GRIK4: variants seen among roughly 807,000 people sequenced by gnomAD.
GRIK4 encodes glutamate receptor ionotropic, kainate 4.
A neutral mutation model predicts 104.9 loss-of-function variants in GRIK4; 40 were observed. The ratio of observed to expected loss-of-function variants is 0.38; its 90% confidence interval spans 0.30 to 0.50. The LOEUF is 0.50. Ranked by LOEUF, GRIK4 falls within the 20% of genes least tolerant of loss-of-function variation. GRIK4 has a pLI of 0.93. For synonymous variants in GRIK4, 485 were observed against 524.9 expected (o/e 0.92, Z 1.04); for missense variants, 1,047 against 1,308.1 (o/e 0.80, Z 3.08).
intron 1 of GRIK4, among the ~76,000 whole-genome samples, chr11:120,598,794 G>A (rs976236682): frequency 2.6e-5 from 4 of 152,204 alleles, no homozygotes; most frequent in Admixed American, 1.3e-4. Flanking sequence ...TAACTGAGCT[G>A]GCTTGGACCC....
intron 1 of GRIK4, among the ~76,000 whole-genome samples, chr11:120,540,101 AG>A (rs1463351463): frequency 6.6e-6 from 1 of 152,148 alleles, no homozygotes; most frequent in Non-Finnish European, 1.5e-5. Flanking sequence ...GGTTTGCAGG[AG>A]GCTCTTCCAG....
intron 1 of GRIK4, among the ~76,000 whole-genome samples, chr11:120,645,220 T>C (rs3902979): frequency 0.19 from 28,308 of 152,106 alleles, 6,323 homozygotes; most frequent in African/African-American, 0.54. Context: ...CTGCAAAGCC[T>C]CCTCTGACCG....
At chr11:120,860,761 G>A (rs7937697) in intron 8 of GRIK4, among the ~76,000 whole-genome samples, 71,218 of 151,944 alleles carry the variant, frequency 0.47, 17,452 homozygotes, top group African/African-American at 0.59. Flanking sequence ...GGTAAATGAA[G>A]GCACCACCCT....
At chr11:120,981,265 A>G (rs1052908859) in intron 19 of GRIK4, among the ~76,000 whole-genome samples, 1 of 152,244 alleles carries the variant, frequency 6.6e-6, no homozygotes, top group Non-Finnish European at 1.5e-5. Flanking sequence ...GCCATATCAT[A>G]TCCTATAAGT....
At chr11:120,743,939 T>C (rs17245685) in intron 3 of GRIK4, among the ~76,000 whole-genome samples, 7,437 of 152,276 alleles carry the variant, frequency 0.049, 198 homozygotes, top group South Asian at 0.14. Flanking sequence ...TCAATCTTCA[T>C]TGTAACGAGT....
chr11:120,539,048 A>C (rs1004711866), intron 1 of GRIK4, among the ~76,000 whole-genome samples: 9 of 152,216 alleles, frequency 5.9e-5, no homozygotes, highest in African/African-American at 2.2e-4. Context: ...GCCACCTCCA[A>C]AGCAAGTGAG....
intron 3 of GRIK4, among the ~76,000 whole-genome samples, chr11:120,699,539 A>G (rs201074255): frequency 3.2e-4 from 47 of 145,196 alleles, no homozygotes; most frequent in South Asian, 1.9e-3. Context: ...AGGTGTGTGT[A>G]TGTGTGTGTG....
intron 3 of GRIK4, among the ~76,000 whole-genome samples, chr11:120,729,781 T>C (rs1044365937): frequency 7.9e-5 from 12 of 152,338 alleles, no homozygotes; most frequent in African/African-American, 2.6e-4. Flanking sequence ...TCCTTATTTG[T>C]CAATTTTTTT....
Position 120,924,076 on chromosome 11 carries a change from C to T in GRIK4, c.1477-16271C>T, listed in dbSNP as rs184926775. ...GGCTTTGCCTGGTGTTCGCAGCAGG[C>T]AGAGTTGGCTCCTCTGGGAATTTCA... On this transcript the variant is annotated intron_variant, in intron 13 of 20. Coordinates refer to ENST00000527524, the MANE Select transcript of GRIK4 (RefSeq NM_014619.5). Among the ~76,000 whole-genome samples, 6 of 152,304 alleles carry T rather than the reference C, an allele frequency of 3.9e-5. No homozygotes were observed. The East Asian group carries it at 1.2e-3, about 29-fold the overall frequency.
intron 3 of GRIK4, among the ~76,000 whole-genome samples, chr11:120,702,822 A>G (rs1950574299): frequency 6.6e-6 from 1 of 152,236 alleles, no homozygotes; most frequent in African/African-American, 2.4e-5. Context: ...GGACGTTTCT[A>G]TCTGAGTAGA....
At chr11:120,535,787 T>C (rs1947967993) in intron 1 of GRIK4, among the ~76,000 whole-genome samples, 2 of 152,260 alleles carry the variant, frequency 1.3e-5, no homozygotes, top group African/African-American at 2.4e-5. Context: ...CTGTGCACAT[T>C]TGCATTGCTG....
rs537602903 is a variant in GRIK4 at position 120,576,834 on chromosome 11, C to T, written c.-159+64947C>T. 4.6e-5 allele frequency among the ~76,000 whole-genome samples: 7 copies of T among 152,132 alleles called. No individual in the cohort carries two copies. In the South Asian group the frequency reaches 8.3e-4, roughly 18 times the overall value. On this transcript the variant is annotated intron_variant, in intron 1 of 20. Transcript: ENST00000527524. ...TATGACCACCAGCCTGTGCTGGGCC[C>T]GGGACATGGCCGGCTAATGTTTGGT...
At chr11:120,831,100 G>A (rs1273531491) in intron 6 of GRIK4, among the ~76,000 whole-genome samples, 1 of 152,046 alleles carries the variant, frequency 6.6e-6, no homozygotes, top group Non-Finnish European at 1.5e-5. Flanking sequence ...TTTTGTTCTG[G>A]GCCCAGATTC....
intron 5 of GRIK4, among the ~76,000 whole-genome samples, chr11:120,816,565 C>T (rs1434981848): frequency 5.3e-5 from 8 of 152,108 alleles, no homozygotes; most frequent in East Asian, 1.9e-4. Context: ...CTCAGTGAGC[C>T]GCTCCTGCCA....
At chr11:120,943,606 T>G (rs2134655844) in intron 14 of GRIK4, among the ~76,000 whole-genome samples, 1 of 152,248 alleles carries the variant, frequency 6.6e-6, no homozygotes, top group East Asian at 1.9e-4. Context: ...AAATACTGGG[T>G]GTTCGTTGTT....
At chr11:120,628,986 T>C (rs1382405119) in intron 1 of GRIK4, among the ~76,000 whole-genome samples, 1 of 152,118 alleles carries the variant, frequency 6.6e-6, no homozygotes, top group Non-Finnish European at 1.5e-5. Context: ...ACTCGCAGTC[T>C]AGTCAGGGAG....
intron 3 of GRIK4, among the ~76,000 whole-genome samples, chr11:120,736,967 G>C (rs1035798366): frequency 6.6e-6 from 1 of 152,158 alleles, no homozygotes; most frequent in African/African-American, 2.4e-5. Flanking sequence ...GCCTGGAATA[G>C]GTCATGTAAA....
At chr11:120,767,731 G>A (rs1168486126) in intron 3 of GRIK4, among the ~76,000 whole-genome samples, 1 of 152,086 alleles carries the variant, frequency 6.6e-6, no homozygotes, top group Non-Finnish European at 1.5e-5. Context: ...TGTGTGTGGT[G>A]TAAGATAAGG....
rs542975613 is a variant in GRIK4 at position 120,541,253 on chromosome 11, G to T, written c.-159+29366G>T. Reference sequence around the variant, plus strand: ...CCATCCCCTCAGAGCAGAGCTGATTGACCCCTCCTTTGAGCCAGCATCACA... The same window carrying T: ...CCATCCCCTCAGAGCAGAGCTGATTTACCCCTCCTTTGAGCCAGCATCACA... On this transcript the variant is annotated intron_variant, in intron 1 of 20. Coordinates refer to ENST00000527524, the MANE Select transcript of GRIK4 (RefSeq NM_014619.5). 1.7e-3 allele frequency among the ~76,000 whole-genome samples: 255 copies of T among 152,298 alleles called. 2 individuals carry two copies. The highest frequency in any genetic ancestry group is 3.4e-3 in the Middle Eastern group (1 of 294).
Sources: allele counts gnomAD v4.1 joint callset (sites outside exome capture counted in the v4.1 genomes callset), GRCh38; gene constraint gnomAD v4.1.1; transcripts MANE v1.5; gene names NCBI Gene and HGNC (gene_info 2026-07-23, HGNC 2026-07-21).